PTPN4: variants seen among roughly 807,000 people sequenced by gnomAD.
PTPN4 encodes tyrosine-protein phosphatase non-receptor type 4.
PTPN4 carries 49 observed loss-of-function variants against 135.5 expected under a neutral mutation model. The observed-to-expected ratio is 0.36, with a 90% confidence interval of 0.29 to 0.46. The LOEUF (loss-of-function observed/expected upper bound fraction) is 0.46. Ranked by LOEUF, PTPN4 falls within the 20% of genes least tolerant of loss-of-function variation. PTPN4 has a pLI of 1.00. For synonymous variants in PTPN4, 333 were observed against 369.9 expected (o/e 0.90, Z 1.14); for missense variants, 860 against 1,101.0 (o/e 0.78, Z 3.10).
intron 2 of PTPN4, among the ~76,000 whole-genome samples, chr2:119,818,174 C>T (rs1421827894): frequency 1.3e-5 from 2 of 152,116 alleles, no homozygotes; most frequent in Non-Finnish European, 2.9e-5. Context: ...GCCTGATTGC[C>T]CTGGTTAGAA....
intron 1 of PTPN4, among the ~76,000 whole-genome samples, chr2:119,809,401 TTAAG>T (rs1222929561): frequency 2.0e-5 from 3 of 151,912 alleles, no homozygotes; most frequent in Admixed American, 2.0e-4. Flanking sequence ...CCCCAACACC[TTAAG>T]TTTTTTAAAA....
intron 2 of PTPN4, among the ~76,000 whole-genome samples, chr2:119,841,220 C>T (rs1403487024): frequency 6.6e-6 from 1 of 151,532 alleles, no homozygotes; most frequent in Non-Finnish European, 1.5e-5. Flanking sequence ...TTAATAAAAC[C>T]CTAGAGGGTT....
At chr2:119,876,891 A>G (rs918014353) in intron 3 of PTPN4, among the ~76,000 whole-genome samples, 2 of 134,878 alleles carry the variant, frequency 1.5e-5, no homozygotes, top group Non-Finnish European at 3.2e-5. Flanking sequence ...TATAAAGCCC[A>G]AGAGCATGTG....
chr2:119,779,143 T>G (rs1262939846), intron 1 of PTPN4, among the ~76,000 whole-genome samples: 1 of 152,228 alleles, frequency 6.6e-6, no homozygotes, highest in African/African-American at 2.4e-5. Flanking sequence ...GTTGCCAAGT[T>G]CAGTTCACAT....
intron 2 of PTPN4, among the ~76,000 whole-genome samples, chr2:119,822,887 G>A (rs1677090469): frequency 6.6e-6 from 1 of 152,046 alleles, no homozygotes; most frequent in African/African-American, 2.4e-5. Flanking sequence ...AGTGGATGGT[G>A]GTTTGCCATG....
intron 1 of PTPN4, among the ~76,000 whole-genome samples, chr2:119,770,693 TA>T (rs1690716897): frequency 6.6e-6 from 1 of 152,146 alleles, no homozygotes; most frequent in South Asian, 2.1e-4. Context: ...TTAAAAAATA[TA>T]GTAGTATGTT....
At chr2:119,807,721 T>G (rs1019844467) in intron 1 of PTPN4, among the ~76,000 whole-genome samples, 4 of 152,166 alleles carry the variant, frequency 2.6e-5, no homozygotes, top group Admixed American at 2.6e-4. Context: ...CCTAACTCAT[T>G]TTATGAGGCC....
intron 14 of PTPN4, among the ~76,000 whole-genome samples, chr2:119,933,902 A>AG (rs1678944514): frequency 6.6e-6 from 1 of 152,168 alleles, no homozygotes; most frequent in South Asian, 2.1e-4. Flanking sequence ...AAGCCTCATT[A>AG]GCTTGTCTGA....
At chr2:119,878,965 C>A (rs1184438614) in intron 5 of PTPN4, among the ~76,000 whole-genome samples, 1 of 151,306 alleles carries the variant, frequency 6.6e-6, no homozygotes, top group African/African-American at 2.4e-5. Flanking sequence ...TGGTGGCAGG[C>A]GCCTGTAGTC....
intron 2 of PTPN4, among the ~76,000 whole-genome samples, chr2:119,843,577 C>T (rs1397111445): frequency 2.8e-5 from 3 of 106,044 alleles, no homozygotes; most frequent in Non-Finnish European, 3.9e-5. Context: ...CGGGCAGAGG[C>T]GCCCCTCACC....
chr2:119,835,053 G>A (rs1442395319), intron 2 of PTPN4, among the ~76,000 whole-genome samples: 2 of 152,080 alleles, frequency 1.3e-5, no homozygotes, highest in Non-Finnish European at 2.9e-5. Flanking sequence ...TGTATTGTTT[G>A]GTTTCCCTTC....
intron 1 of PTPN4, among the ~76,000 whole-genome samples, chr2:119,768,466 T>C (rs970846282): frequency 3.3e-5 from 5 of 152,204 alleles, no homozygotes; most frequent in African/African-American, 1.2e-4. Context: ...GAAATACATA[T>C]ATGTATACAC....
chr2:119,803,438 A>G (rs752417337), intron 1 of PTPN4, among the ~76,000 whole-genome samples: 1 of 152,040 alleles, frequency 6.6e-6, no homozygotes, highest in Non-Finnish European at 1.5e-5. Flanking sequence ...CCAGTGGATA[A>G]CGTAGACTTG....
chr2:119,838,990 A>T (rs1677339827), intron 2 of PTPN4, among the ~76,000 whole-genome samples: 2 of 152,062 alleles, frequency 1.3e-5, no homozygotes, highest in Non-Finnish European at 2.9e-5. Context: ...GAGTTTTCTT[A>T]TGTACTTATT....
At chr2:119,967,174 G>T (rs543150986) in intron 25 of PTPN4, among the ~76,000 whole-genome samples, 3 of 152,202 alleles carry the variant, frequency 2.0e-5, no homozygotes, top group African/African-American at 7.2e-5. Flanking sequence ...GACCGGGAGC[G>T]GTGGCCCATG....
rs1199991850 is a variant in PTPN4, at chr2:119,809,990, A to G, written c.137A>G (p.Asn46Ser). The G allele has an allele frequency of 5.6e-6, 9 of 1,604,440 alleles. No individual in the cohort carries two copies. Among genetic ancestry groups the G allele is most frequent in the East Asian group, 2.2e-5 (1 of 44,836 alleles). The change falls in exon 2 of 27, where the codon AAT becomes AGT. Residue 46 changes from asparagine to serine, a missense_variant and splice_region_variant. Coordinates refer to ENST00000263708, the MANE Select transcript of PTPN4 (RefSeq NM_002830.4). ...AACACTGTACAAGCTTTCAAAGTCA[A>G]TGTAAGTATTTTGTGTCTTTTAAAA... Reference protein sequence around the residue: ...LDNTVQAFKVNKHDQGQVLLD... With the variant: ...LDNTVQAFKVSKHDQGQVLLD...
chr2:119,804,133 G>A (rs1457855869), intron 1 of PTPN4, among the ~76,000 whole-genome samples: 7 of 152,002 alleles, frequency 4.6e-5, no homozygotes, highest in Non-Finnish European at 7.4e-5. Context: ...GTTTCTTAGA[G>A]ACAGGGTTTC....
chr2:119,960,770 T>C (rs1679354493), intron 22 of PTPN4, 37 bp from the exon 23 acceptor site: 1 of 1,595,718 alleles, frequency 6.3e-7, no homozygotes, highest in Non-Finnish European at 8.5e-7. Context: ...TAAAAAGTAA[T>C]GCAAAACATT....
intron 1 of PTPN4, among the ~76,000 whole-genome samples, chr2:119,766,470 GTGTGTGTGTGTGT>G (rs1558718962): frequency 1.9e-4 from 26 of 138,528 alleles, no homozygotes; most frequent in African/African-American, 7.5e-4. Context: ...GTGTGTGTGT[GTGTGTGTGTGTGT>G]CTGTGTGTGT....
Sources: allele counts gnomAD v4.1 joint callset (sites outside exome capture counted in the v4.1 genomes callset), GRCh38; gene constraint gnomAD v4.1.1; transcripts MANE v1.5; gene names NCBI Gene and HGNC (gene_info 2026-07-23, HGNC 2026-07-21).